CIMIP2C: variants seen among roughly 807,000 people sequenced by gnomAD.
CIMIP2C encodes the protein ciliary microtubule inner protein 2C, also known as UPF0573 protein C2orf70.
At chr2:26,576,216 C>A in the CIMIP2C span, 1 of 1,576,170 alleles carries the variant, frequency 6.3e-7, no homozygotes, top group South Asian at 1.2e-5. Flanking sequence ...CCCTCCTGCC[C>A]ACCTGCCCCC....
chr2:26,573,373 C>T, the CIMIP2C span, among the ~76,000 whole-genome samples: 11 of 143,796 alleles, frequency 7.6e-5, no homozygotes, highest in African/African-American at 1.8e-4. Context: ...CTAGGAACCA[C>T]GGCTCATGCC....
the CIMIP2C span, among the ~76,000 whole-genome samples, chr2:26,570,236 A>C: frequency 6.6e-6 from 1 of 152,238 alleles, no homozygotes; most frequent in African/African-American, 2.4e-5. Flanking sequence ...GGCGGAGAGA[A>C]GAATCACGAG....
At chr2:26,577,467 C>A in the CIMIP2C span, 1 of 1,516,266 alleles carries the variant, frequency 6.6e-7, no homozygotes, top group Non-Finnish European at 9.2e-7. Flanking sequence ...TGCCTGTGGT[C>A]AGTCCTGTGC....
the CIMIP2C span, among the ~76,000 whole-genome samples, chr2:26,574,274 G>A: frequency 7.9e-5 from 12 of 152,356 alleles, no homozygotes; most frequent in African/African-American, 2.9e-4. Context: ...CTGGAGAAGG[G>A]ATTGCAGGGG....
the CIMIP2C span, chr2:26,572,250 TA>T: frequency 8.4e-7 from 1 of 1,194,314 alleles, no homozygotes; most frequent in Non-Finnish European, 1.1e-6. Flanking sequence ...TTCCATTCTG[TA>T]ACTAGCATTC....
the CIMIP2C span, chr2:26,576,223 C>A: frequency 0.063 from 99,505 of 1,572,072 alleles, 3,467 homozygotes; most frequent in African/African-American, 0.1. Flanking sequence ...GCCCACCTGC[C>A]CCCACCACGG....
the CIMIP2C span, among the ~76,000 whole-genome samples, chr2:26,571,506 G>T: frequency 1.3e-5 from 2 of 152,190 alleles, no homozygotes; most frequent in Admixed American, 6.5e-5. Flanking sequence ...ATTGGGCTTG[G>T]GGAAGGCAGG....
At chr2:26,562,989 C>T in the CIMIP2C span, 6 of 434,598 alleles carry the variant, frequency 1.4e-5, no homozygotes, top group East Asian at 2.2e-4. Flanking sequence ...GGAGATGGAG[C>T]CACGTGGGGT....
the CIMIP2C span, chr2:26,577,532 G>A: frequency 3.4e-5 from 55 of 1,613,936 alleles, no homozygotes; most frequent in South Asian, 2.9e-4. Context: ...CAGCAGCATC[G>A]GAAGTACTAT....
At chr2:26,576,193 GC>G in the CIMIP2C span, 1 of 1,600,134 alleles carries the variant, frequency 6.2e-7, no homozygotes. Context: ...GTGTGGGGCT[GC>G]CCTGTGGCCT....
chr2:26,572,034 GGAGA>G, the CIMIP2C span: 22 of 1,413,876 alleles, frequency 1.6e-5, no homozygotes, highest in East Asian at 4.2e-4. Context: ...TCCCACTATA[GGAGA>G]GAGAGAGAGG....
At chr2:26,575,841 T>C in the CIMIP2C span, 1 of 1,562,458 alleles carries the variant, frequency 6.4e-7, no homozygotes, top group Non-Finnish European at 8.7e-7. Context: ...GGGCCTCTCT[T>C]GGAACAGGCC....
chr2:26,576,236 AG>A, the CIMIP2C span: 1 of 1,557,380 alleles, frequency 6.4e-7, no homozygotes, highest in Non-Finnish European at 8.7e-7. Flanking sequence ...CACCACGGGA[AG>A]GGAGTGATGG....
the CIMIP2C span, among the ~76,000 whole-genome samples, chr2:26,565,809 G>A: frequency 6.6e-6 from 1 of 152,210 alleles, no homozygotes; most frequent in African/African-American, 2.4e-5. Flanking sequence ...TCAAGATCTG[G>A]TTCTAGGAAC....
the CIMIP2C span, chr2:26,576,044 A>G: frequency 6.2e-7 from 1 of 1,614,092 alleles, no homozygotes; most frequent in Non-Finnish European, 8.5e-7. Context: ...TTTCCCCACC[A>G]TCTTCTCCAC....
the CIMIP2C span, among the ~76,000 whole-genome samples, chr2:26,568,280 C>G: frequency 6.6e-6 from 1 of 152,190 alleles, no homozygotes; most frequent in Non-Finnish European, 1.5e-5. Flanking sequence ...CTTAGGGAGC[C>G]TCTGGCCACT....
the CIMIP2C span, chr2:26,572,256 G>GGTGAATGCTAGTTA: frequency 2.7e-6 from 3 of 1,126,726 alleles, no homozygotes; most frequent in Non-Finnish European, 3.6e-6. Flanking sequence ...TCTGTAACTA[G>GGTGAATGCTAGTTA]CATTCACCTA....
chr2:26,575,250 G>A, the CIMIP2C span, among the ~76,000 whole-genome samples: 2 of 152,176 alleles, frequency 1.3e-5, no homozygotes, highest in Non-Finnish European at 2.9e-5. Context: ...GCTGTGCTGG[G>A]AGCAAGGCTG....
chr2:26,579,415 T>C, the CIMIP2C span: 2 of 1,613,920 alleles, frequency 1.2e-6, no homozygotes, highest in Non-Finnish European at 1.7e-6. Context: ...AAAGAGAGAC[T>C]GCTACTTTGA....
Sources: allele counts gnomAD v4.1 joint callset (sites outside exome capture counted in the v4.1 genomes callset), GRCh38; gene constraint gnomAD v4.1.1; transcripts MANE v1.5; gene names NCBI Gene and HGNC (gene_info 2026-07-23, HGNC 2026-07-21).